The following ALPL variants were observed in gnomAD, a reference collection of about 807,000 sequenced individuals.
ALPL encodes the protein alkaline phosphatase, tissue-nonspecific isozyme.
A neutral mutation model predicts 51.3 loss-of-function variants in ALPL; 42 were observed. The ratio of observed to expected loss-of-function variants is 0.82; its 90% CI spans 0.64 to 1.06. The LOEUF is 1.06. Among genes scored for constraint, ALPL ranks in the 50% least tolerant of loss-of-function variants. The pLI, the probability that ALPL is intolerant of heterozygous loss-of-function variation, is 0.00. For synonymous variants in ALPL, 279 were observed against 296.4 expected, an observed-to-expected ratio of 0.94 and a Z score of 0.60; for missense variants, 589 against 709.4, an observed-to-expected ratio of 0.83 and a Z score of 1.93.
At position 21,568,170 on chromosome 1, in the gene ALPL, G is replaced by T. The variant is rs1416572796; in HGVS notation, c.715G>T (p.Asp239Tyr). 3 of 1,614,090 alleles carry T rather than the reference G, an allele frequency of 1.9e-6. No individual in the cohort carries two copies. The South Asian group carries it at 3.3e-5, about 18-fold the overall frequency. ...KNKTDVEYES[D>Y]EKARGTRLDG... ...TAAAACTGATGTGGAGTATGAGAGT[G>T]ACGAGAAAGCCAGGGGCACGAGGCT... The change falls in exon 7 of 12, where the codon GAC becomes TAC. Residue 239 changes from aspartate (D) to tyrosine (Y), a missense_variant. Asp to Tyr is a radical substitution (Grantham distance 160). Transcript: ENST00000374840.
At chr1:21,516,045 AT>A (rs1437449709) in intron 1 of ALPL, among the ~76,000 whole-genome samples, 2 of 151,818 alleles carry the variant, frequency 1.3e-5, no homozygotes, top group East Asian at 3.9e-4. Context: ...CGCCCCGCTA[AT>A]TTTTTTTATT....
intron 10 of ALPL, among the ~76,000 whole-genome samples, chr1:21,576,271 G>GA (rs1644734391): frequency 9.1e-5 from 2 of 21,958 alleles, no homozygotes; most frequent in African/African-American, 1.3e-4. Flanking sequence ...GGATGGATGG[G>GA]TGGATGGATG....
chr1:21,560,789 G>T, intron 3 of ALPL, 44 bp downstream of exon 3: 1 of 1,612,968 alleles, frequency 6.2e-7, no homozygotes, highest in Non-Finnish European at 8.5e-7. Flanking sequence ...AGGACACCTA[G>T]CTAGGAGCCC....
At chr1:21,572,904 T>TGC (rs76643224) in intron 8 of ALPL, among the ~76,000 whole-genome samples, 13,172 of 152,230 alleles carry the variant, frequency 0.087, 1,238 homozygotes, top group East Asian at 0.46. Context: ...AACATGTAAA[T>TGC]GCACACACAC....
chr1:21,563,690 C>A (rs1003572458), intron 5 of ALPL, among the ~76,000 whole-genome samples: 2 of 152,138 alleles, frequency 1.3e-5, no homozygotes, highest in African/African-American at 4.8e-5. Flanking sequence ...GGGGCCAAGG[C>A]CAAAACACAG....
At chr1:21,524,843 G>T (rs577477667) in intron 1 of ALPL, among the ~76,000 whole-genome samples, 2 of 152,306 alleles carry the variant, frequency 1.3e-5, no homozygotes, top group South Asian at 4.1e-4. Context: ...CGCGATTCCT[G>T]GGGGAAGGGA....
rs141742288 is a variant in ALPL at position 21,570,371 on chromosome 1, T to C, written c.859T>C (p.Leu287=). ...TGACCCCCACAATGTGGACTACCTA[T>C]TGGGTAAGTGGAGGGGGTGGAGGGG... ...TLDPHNVDYL[L]GLFEPGDMQY... is the part of the protein sequence containing the mutation. The change falls in exon 8 of 12, where the codon TTG becomes CTG. Residue 287 remains leucine (L), a synonymous_variant. Coordinates refer to ENST00000374840, the MANE Select transcript of ALPL (RefSeq NM_000478.6). The C allele has an allele frequency of 2.1e-4, 343 of 1,613,630 alleles. 2 individuals are homozygous for C. The African/African-American group carries it at 4.0e-3, about 19-fold the overall frequency.
At chr1:21,532,788 C>T (rs140837348) in intron 1 of ALPL, among the ~76,000 whole-genome samples, 1 of 152,294 alleles carries the variant, frequency 6.6e-6, no homozygotes, top group Non-Finnish European at 1.5e-5. Flanking sequence ...AGCACATCCT[C>T]AAGACTCCTT....
At chr1:21,572,947 C>T (rs1416556200) in intron 8 of ALPL, among the ~76,000 whole-genome samples, 1 of 152,262 alleles carries the variant, frequency 6.6e-6, no homozygotes, top group African/African-American at 2.4e-5. Flanking sequence ...GGCTGTGACC[C>T]TCTGCCTTGG....
Position 21,559,939 on chromosome 1 carries a change from A to G in ALPL, c.62-687A>G, listed in dbSNP as rs1184470607. Among the ~76,000 whole-genome samples the G allele has an allele frequency of 5.9e-5, 9 of 152,310 alleles. No homozygotes were observed. The South Asian group carries it at 1.7e-3, about 28-fold the overall frequency. ...TTCTTAGTTCTCATTTTATCTCAAA[A>G]CCATAAAGCCCCAGCCAGAAGTCAC... On this transcript the variant is annotated intron_variant, in intron 2 of 11. Coordinates refer to ENST00000374840, the MANE Select transcript of ALPL (RefSeq NM_000478.6).
chr1:21,562,229 T>C (rs752574583), intron 4 of ALPL, among the ~76,000 whole-genome samples: 2 of 152,240 alleles, frequency 1.3e-5, no homozygotes, highest in Non-Finnish European at 2.9e-5. Context: ...TTTAAAAATA[T>C]GCTATTGCTA....
rs898124255 is a variant in ALPL, at chr1:21,567,222, C to T, written c.649-882C>T. 2.6e-5 allele frequency among the ~76,000 whole-genome samples: 4 copies of T among 152,214 alleles called. No individual in the cohort carries two copies. In the East Asian group the frequency reaches 7.7e-4, roughly 29 times the overall value. On this transcript the variant is annotated intron_variant, in intron 6 of 11. Transcript: ENST00000374840. ...GGCTCTGCACTCCCAAGGTGTCAGCCAGGGGCAGTGGCCCGGGCTGGCACC... is the reference window on the plus strand; with the variant it reads ...GGCTCTGCACTCCCAAGGTGTCAGCTAGGGGCAGTGGCCCGGGCTGGCACC...
chr1:21,529,069 CAAA>C (rs58835667), intron 1 of ALPL, among the ~76,000 whole-genome samples: 5 of 119,338 alleles, frequency 4.2e-5, no homozygotes, highest in African/African-American at 6.5e-5. Context: ...GACTCCATCT[CAAA>C]AAAAAAAAAA....
Position 21,510,635 on chromosome 1 carries a change from C to T in ALPL, c.-105+1118C>T, listed in dbSNP as rs79267718. On this transcript the variant is annotated intron_variant, in intron 1 of 11. Transcript: ENST00000374840. ...TAAGTGGTGGGACCAGGGTTTGAATCCAGACTCCAAACTCTGCAGCCCTAG... is the reference window on the plus strand; with the variant it reads ...TAAGTGGTGGGACCAGGGTTTGAATTCAGACTCCAAACTCTGCAGCCCTAG... Among the ~76,000 whole-genome samples the T allele has an allele frequency of 6.4e-3, 973 of 152,334 alleles. 10 individuals are homozygous for T. Among genetic ancestry groups the T allele is most frequent in the African/African-American group, 0.022 (927 of 41,584 alleles).
At chr1:21,546,183 G>A (rs952946246) in intron 1 of ALPL, among the ~76,000 whole-genome samples, 3 of 152,182 alleles carry the variant, frequency 2.0e-5, no homozygotes, top group African/African-American at 7.2e-5. Flanking sequence ...GATGTTGTGA[G>A]GATCTGACGC....
At chr1:21,554,257 C>T in intron 2 of ALPL, 115 bp downstream of exon 2, 1 of 1,132,892 alleles carries the variant, frequency 8.8e-7, no homozygotes, top group Non-Finnish European at 1.3e-6. Context: ...GAGCTGAAAA[C>T]AGTGTTCAGA....
chr1:21,571,771 C>G (rs1358218525), intron 8 of ALPL, among the ~76,000 whole-genome samples: 3 of 152,200 alleles, frequency 2.0e-5, no homozygotes, highest in Admixed American at 6.6e-5. Context: ...AGGTTGATCA[C>G]TTGAGCCCAG....
At chr1:21,549,573 A>G (rs901544853) in intron 1 of ALPL, among the ~76,000 whole-genome samples, 1 of 151,474 alleles carries the variant, frequency 6.6e-6, no homozygotes, top group Admixed American at 6.6e-5. Flanking sequence ...TCCTGGGTTC[A>G]AGTGATTCTC....
At chr1:21,521,111 T>C (rs536433018) in intron 1 of ALPL, among the ~76,000 whole-genome samples, 5 of 152,352 alleles carry the variant, frequency 3.3e-5, no homozygotes, top group African/African-American at 7.2e-5. Context: ...TTTCAGTTCC[T>C]GGAGGGTAGG....
Sources: allele counts gnomAD v4.1 joint callset (sites outside exome capture counted in the v4.1 genomes callset), GRCh38; gene constraint gnomAD v4.1.1; transcripts MANE v1.5; gene names NCBI Gene and HGNC (gene_info 2026-07-23, HGNC 2026-07-21).